EIF5B: variants seen among roughly 807,000 people sequenced by gnomAD.
EIF5B encodes eIF-5B.
A neutral mutation model predicts 147.5 loss-of-function variants in EIF5B; 47 were observed. The observed-to-expected ratio is 0.32, with a 90% CI of 0.25 to 0.41. EIF5B has a LOEUF of 0.41. EIF5B is among the 10% of genes least tolerant of loss of function. The pLI, the probability that EIF5B is intolerant of heterozygous loss-of-function variation, is 1.00. For synonymous variants in EIF5B, 455 were observed against 456.2 expected (o/e 1.00, Z 0.03); for missense variants, 1,064 against 1,413.2 (o/e 0.75, Z 3.96).
intron 9 of EIF5B, among the ~76,000 whole-genome samples, chr2:99,374,084 A>G (rs1044054310): frequency 6.6e-6 from 1 of 152,104 alleles, no homozygotes; most frequent in African/African-American, 2.4e-5. Context: ...AGATCAGGAG[A>G]TTGAGATTAG....
chr2:99,378,041 T>C (rs1674600192), intron 10 of EIF5B, among the ~76,000 whole-genome samples: 1 of 152,210 alleles, frequency 6.6e-6, no homozygotes, highest in African/African-American at 2.4e-5. Flanking sequence ...ATGTTTGAAT[T>C]TGAGTTGTAT....
At position 99,400,952 on chromosome 2, in the gene EIF5B, C is replaced by T. The variant is rs1246660504; in HGVS notation, c.*1538C>T. ...CAAAAAGGAGCCTGTACAAAATATA[C>T]ATACAGTTCTTTATTAAACAACTGT... On this transcript the variant is annotated 3_prime_UTR_variant, in exon 24 of 24. Coordinates refer to ENST00000289371, the MANE Select transcript of EIF5B (RefSeq NM_015904.4). 5.3e-6 allele frequency: 1 copy of T among 188,872 alleles called. No homozygotes were observed. Among genetic ancestry groups the T allele is most frequent in the Non-Finnish European group, 1.1e-5 (1 of 90,992 alleles). 11.7% of individuals were successfully genotyped at this position (188,872 alleles called of 1,614,324 possible). A position where few individuals can be genotyped will look rare whatever the true frequency, so the allele number is the denominator to read the frequency against.
chr2:99,370,145 G>A (rs888269768), intron 8 of EIF5B, among the ~76,000 whole-genome samples: 1 of 152,036 alleles, frequency 6.6e-6, no homozygotes, highest in Non-Finnish European at 1.5e-5. Flanking sequence ...CATAAAAATT[G>A]GCATTTTTAG....
At chr2:99,351,912 C>T (rs559891980) in intron 1 of EIF5B, among the ~76,000 whole-genome samples, 2 of 152,128 alleles carry the variant, frequency 1.3e-5, no homozygotes, top group African/African-American at 4.8e-5. Context: ...GTTGGCCAGG[C>T]TGGTCTTGAA....
intron 14 of EIF5B, 38 bp from the exon 15 acceptor site, chr2:99,389,680 A>AT: frequency 6.4e-7 from 1 of 1,571,648 alleles, no homozygotes; most frequent in Admixed American, 1.9e-5. Context: ...AATGTTCTGA[A>AT]TTTTTTAGAG....
intron 17 of EIF5B, among the ~76,000 whole-genome samples, 179 bp from the exon 18 acceptor site, chr2:99,392,788 T>C (rs1469805467): frequency 4.6e-5 from 7 of 152,190 alleles, no homozygotes; most frequent in Admixed American, 4.6e-4. Flanking sequence ...TTTCCTGTGG[T>C]ATTTTGAGAA....
At chr2:99,394,122 A>G (rs1349860128) in intron 18 of EIF5B, 145 bp from the exon 19 acceptor site, 3 of 1,030,202 alleles carry the variant, frequency 2.9e-6, no homozygotes, top group Non-Finnish European at 4.2e-6. Flanking sequence ...ATTCCAGCAC[A>G]GGTTCTGTGA....
intron 1 of EIF5B, among the ~76,000 whole-genome samples, chr2:99,357,948 C>T (rs1462064122): frequency 6.6e-6 from 1 of 152,152 alleles, no homozygotes; most frequent in Non-Finnish European, 1.5e-5. Context: ...ATCTTGCCTG[C>T]CACTGGTGCA....
chr2:99,395,960 T>C (rs1675037631), intron 21 of EIF5B, among the ~76,000 whole-genome samples: 1 of 152,194 alleles, frequency 6.6e-6, no homozygotes, highest in Non-Finnish European at 1.5e-5. Flanking sequence ...GCCAAGGCTG[T>C]GTGTTCACAA....
chr2:99,373,599 A>G (rs989152946), intron 9 of EIF5B, among the ~76,000 whole-genome samples: 4 of 152,166 alleles, frequency 2.6e-5, no homozygotes, highest in African/African-American at 7.2e-5. Flanking sequence ...AGGGGACACC[A>G]TTTACAAATC....
chr2:99,360,595 C>A (rs756620581), intron 3 of EIF5B, 46 bp downstream of exon 3: 5 of 1,574,688 alleles, frequency 3.2e-6, no homozygotes, highest in Non-Finnish European at 4.3e-6. Context: ...GTATTCTATT[C>A]TTTCTTCTTA....
intron 10 of EIF5B, among the ~76,000 whole-genome samples, chr2:99,377,779 G>A (rs1251489683): frequency 1.3e-5 from 2 of 152,050 alleles, no homozygotes; most frequent in Non-Finnish European, 2.9e-5. Flanking sequence ...AGGAATTTTG[G>A]GGAAATGTTC....
intron 1 of EIF5B, among the ~76,000 whole-genome samples, chr2:99,342,581 C>G (rs1475511974): frequency 6.6e-6 from 1 of 151,700 alleles, no homozygotes; most frequent in Non-Finnish European, 1.5e-5. Context: ...CATTCCTCCC[C>G]CTCCTTTTTT....
Position 99,401,076 on chromosome 2 carries a change from A to G in EIF5B, c.*1662A>G, listed in dbSNP as rs1446712642. The G allele has an allele frequency of 2.1e-6, 1 of 485,574 alleles. No individual in the cohort carries two copies. Among genetic ancestry groups the G allele is most frequent in the Non-Finnish European group, 3.7e-6 (1 of 269,886 alleles). The allele number at this position is 485,574 out of a possible 1,614,324, so 30.1% of individuals were successfully genotyped here. A position where few individuals can be genotyped will look rare whatever the true frequency, so the allele number is the denominator to read the frequency against. The stretch of plus-strand genomic sequence containing the variant: ...ATAATTAACACAATTATTTACATGC[A>G]ATACTGACAAATTTGGCACTTTTTG... On this transcript the variant is annotated 3_prime_UTR_variant, in exon 24 of 24. Coordinates refer to ENST00000289371, the MANE Select transcript of EIF5B (RefSeq NM_015904.4).
In EIF5B at chr2:99,371,709, A is replaced by G. The variant is rs1457780064; in HGVS notation, c.1531A>G (p.Ser511Gly). ...AGLDDWEAMASDEETEKVEGN... is the reference protein window; with the variant it reads ...AGLDDWEAMAGDEETEKVEGN... Reference sequence around the variant, plus strand: ...ATTGGATGATTGGGAAGCTATGGCCAGTGATGAGGAGACAGAAAAAGGTGA... The same window carrying G: ...ATTGGATGATTGGGAAGCTATGGCCGGTGATGAGGAGACAGAAAAAGGTGA... Residue 511 changes from serine (S) to glycine (G), a missense_variant, in exon 9 of 24, where the codon AGT (serine) becomes GGT (glycine). By Grantham distance (56) the Ser-to-Gly change is moderately conservative (BLOSUM62 0). This residue lies in a region of EIF5B where 195 missense variants were observed against 186.3 expected (regional missense o/e 1.05). Coordinates refer to ENST00000289371, the MANE Select transcript of EIF5B (RefSeq NM_015904.4). 1 of 1,613,126 alleles carries G rather than the reference A, an allele frequency of 6.2e-7. No homozygotes were observed. The highest frequency in any genetic ancestry group is 8.5e-7 in the Non-Finnish European group (1 of 1,179,480).
intron 18 of EIF5B, 84 bp downstream of exon 18, chr2:99,393,182 C>G: frequency 7.9e-7 from 1 of 1,264,424 alleles, no homozygotes. Context: ...GGATGGTGAC[C>G]AAAACTGGCT....
At chr2:99,386,468 C>CGCGCGCGCGTGTGTGT (rs1191263656) in intron 14 of EIF5B, among the ~76,000 whole-genome samples, 2 of 142,414 alleles carry the variant, frequency 1.4e-5, no homozygotes, top group African/African-American at 5.1e-5. Context: ...TTTTGTTTTG[C>CGCGCGCGCGTGTGTGT]GTGTGTGTGT....
intron 6 of EIF5B, among the ~76,000 whole-genome samples, chr2:99,366,394 C>T (rs1486139284): frequency 1.3e-5 from 2 of 152,186 alleles, no homozygotes; most frequent in Non-Finnish European, 2.9e-5. Flanking sequence ...GCAAGGAAAA[C>T]TTAAAGTGAT....
Position 99,393,040 on chromosome 2 carries a change from C to G in EIF5B, c.2822C>G (p.Thr941Arg). Residue 941 changes from threonine to arginine, a missense_variant, in exon 18 of 24, where the codon ACA becomes AGA. Physicochemically the swap from Thr to Arg is moderately conservative, Grantham distance 71. Around this residue, in one of 4 missense-constraint regions of EIF5B, gnomAD observed 380 missense variants for 715.6 expected, o/e 0.53. Transcript: ENST00000289371. Reference sequence around the variant, plus strand: ...ATTCTTGGAAAAGACCTGGAGAAAACATTGGCTGGTTTACCCCTCCTTGTG... The same window carrying G: ...ATTCTTGGAAAAGACCTGGAGAAAAGATTGGCTGGTTTACCCCTCCTTGTG... The part of the protein sequence containing the change: ...VKILGKDLEK[T>R]LAGLPLLVAY... The G allele has an allele frequency of 6.3e-7, 1 of 1,591,096 alleles. No homozygotes were observed. The highest frequency in any genetic ancestry group is 8.6e-7 in the Non-Finnish European group (1 of 1,168,818).
Sources: gnomAD v4.1 joint callset for allele counts (sites outside exome capture counted in the v4.1 genomes callset) on GRCh38, gnomAD v4.1.1 for gene constraint, gnomAD v4.1.1 regional missense constraint, MANE v1.5 for transcripts, NCBI Gene and HGNC (gene_info 2026-07-23, HGNC 2026-07-21) for gene names.